Variants in SPMIP11 observed in about 807,000 individuals in gnomAD.
SPMIP11 encodes the protein long intergenic non-protein coding RNA 935.
At chr12:48,739,323 A>T in the SPMIP11 span, among the ~76,000 whole-genome samples, 1 of 152,134 alleles carries the variant, frequency 6.6e-6, no homozygotes, top group African/African-American at 2.4e-5. Flanking sequence ...GAAGAATCCT[A>T]TTATTCCTTC....
chr12:48,751,400 G>A, the SPMIP11 span, among the ~76,000 whole-genome samples: 1 of 152,092 alleles, frequency 6.6e-6, no homozygotes, highest in Non-Finnish European at 1.5e-5. Flanking sequence ...GATCACTTGA[G>A]CCCAGGGGTC....
the SPMIP11 span, among the ~76,000 whole-genome samples, chr12:48,762,164 T>C: frequency 3.8e-4 from 54 of 143,184 alleles, no homozygotes; most frequent in Admixed American, 3.9e-3. Context: ...GTTCATGCCA[T>C]TCTCCTGCCT....
chr12:48,752,970 C>T, the SPMIP11 span, among the ~76,000 whole-genome samples: 7,240 of 152,186 alleles, frequency 0.048, 591 homozygotes, highest in African/African-American at 0.16. Context: ...CTGTGCCAGG[C>T]CATCCTATTT....
the SPMIP11 span, among the ~76,000 whole-genome samples, chr12:48,754,603 A>T: frequency 2.0e-5 from 3 of 151,936 alleles, no homozygotes; most frequent in Non-Finnish European, 4.4e-5. Context: ...GGTGCCCGCC[A>T]CCATGCCCGG....
At chr12:48,766,736 C>T in the SPMIP11 span, 3 of 152,618 alleles carry the variant, frequency 2.0e-5, no homozygotes, top group South Asian at 2.1e-4. Context: ...GGGGCAAGTG[C>T]ACTGCCTGCC....
the SPMIP11 span, among the ~76,000 whole-genome samples, chr12:48,748,700 C>G: frequency 9.5e-4 from 145 of 152,264 alleles, no homozygotes; most frequent in Non-Finnish European, 1.6e-3. Context: ...ACCTCCTCCC[C>G]CATCCTCATT....
chr12:48,744,650 C>T, the SPMIP11 span, among the ~76,000 whole-genome samples: 2 of 151,602 alleles, frequency 1.3e-5, no homozygotes, highest in Non-Finnish European at 2.9e-5. Context: ...ACCCGGGAGG[C>T]GGAGGTTGCA....
At chr12:48,750,497 C>T in the SPMIP11 span, among the ~76,000 whole-genome samples, 1 of 152,240 alleles carries the variant, frequency 6.6e-6, no homozygotes. Context: ...GTTCTGAATC[C>T]TGCTACTGCT....
chr12:48,759,343 G>A, the SPMIP11 span: 1 of 702,588 alleles, frequency 1.4e-6, no homozygotes, highest in African/African-American at 1.7e-5. Context: ...TAAGTACCTT[G>A]GGGTGGGCAT....
the SPMIP11 span, among the ~76,000 whole-genome samples, chr12:48,756,110 C>T: frequency 6.6e-6 from 1 of 151,872 alleles, no homozygotes; most frequent in African/African-American, 2.4e-5. Flanking sequence ...GTCTCCATCT[C>T]CTGACCTCGT....
the SPMIP11 span, among the ~76,000 whole-genome samples, chr12:48,746,565 C>T: frequency 0.024 from 3,572 of 151,650 alleles, 58 homozygotes; most frequent in Non-Finnish European, 0.036. Context: ...CGGGGTTTCA[C>T]CATGTTGGTC....
the SPMIP11 span, among the ~76,000 whole-genome samples, chr12:48,732,164 A>T: frequency 6.6e-6 from 1 of 151,112 alleles, no homozygotes; most frequent in Admixed American, 6.6e-5. Context: ...AAAAAAAAAC[A>T]TAAAAGCCCC....
At chr12:48,740,425 T>C in the SPMIP11 span, among the ~76,000 whole-genome samples, 1 of 152,068 alleles carries the variant, frequency 6.6e-6, no homozygotes, top group Non-Finnish European at 1.5e-5. Context: ...TTAACACTGA[T>C]ACAATGCTGT....
chr12:48,746,741 C>T, the SPMIP11 span, among the ~76,000 whole-genome samples: 3 of 151,700 alleles, frequency 2.0e-5, no homozygotes, highest in Non-Finnish European at 4.4e-5. Context: ...GCCAACATGG[C>T]GAAACCCTGT....
the SPMIP11 span, among the ~76,000 whole-genome samples, chr12:48,753,779 G>A: frequency 3.6e-5 from 5 of 139,746 alleles, no homozygotes; most frequent in East Asian, 1.1e-3. Context: ...TCGGCTCACT[G>A]CAACCTCTGC....
chr12:48,769,759 GT>G, the SPMIP11 span, among the ~76,000 whole-genome samples: 1,100 of 103,766 alleles, frequency 0.011, 13 homozygotes, highest in African/African-American at 0.032. Context: ...ACTAATTTTT[GT>G]TTTTTTTTTT....
the SPMIP11 span, chr12:48,769,210 C>A: frequency 3.7e-6 from 3 of 808,950 alleles, no homozygotes; most frequent in African/African-American, 3.5e-5. Flanking sequence ...TAGTTCAAGA[C>A]GAGCCTGGCC....
the SPMIP11 span, chr12:48,769,092 G>A: frequency 6.9e-6 from 11 of 1,588,556 alleles, no homozygotes; most frequent in Non-Finnish European, 9.4e-6. Flanking sequence ...AGAGACTAGT[G>A]GATGCTCCAG....
the SPMIP11 span, chr12:48,768,830 T>C: frequency 6.4e-7 from 1 of 1,550,604 alleles, no homozygotes; most frequent in South Asian, 1.2e-5. Context: ...TGCCCCACCA[T>C]ACACAGAACA....
Sources: gnomAD v4.1 joint callset for allele counts (sites outside exome capture counted in the v4.1 genomes callset) on GRCh38, gnomAD v4.1.1 for gene constraint, MANE v1.5 for transcripts, NCBI Gene and HGNC (gene_info 2026-07-23, HGNC 2026-07-21) for gene names.